GOLM2: variants seen among roughly 807,000 people sequenced by gnomAD.
GOLM2 encodes the protein golgi membrane protein 2.
A neutral mutation model predicts 55.9 loss-of-function variants in GOLM2; 26 were observed. The ratio of observed to expected loss-of-function variants is 0.47; its 90% confidence interval spans 0.34 to 0.65. The LOEUF is 0.65. Ranked by LOEUF, GOLM2 falls within the 30% of genes least tolerant of loss-of-function variation. The probability of loss-of-function intolerance (pLI) is 0.01; values close to 1 mark genes in which losing one functional copy is unlikely to be tolerated. For missense variants in GOLM2, 486 were observed against 531.8 expected (o/e 0.91, Z 0.85); for synonymous variants, 165 against 194.6 (o/e 0.85, Z 1.27).
intron 8 of GOLM2, among the ~76,000 whole-genome samples, chr15:44,381,351 G>A (rs1316405289): frequency 1.3e-5 from 2 of 152,104 alleles, no homozygotes; most frequent in Non-Finnish European, 2.9e-5. Flanking sequence ...TTGAAAAATG[G>A]AACATTCTGG....
chr15:44,377,432 G>A (rs566386697), intron 6 of GOLM2, among the ~76,000 whole-genome samples: 39 of 152,180 alleles, frequency 2.6e-4, no homozygotes, highest in Middle Eastern at 3.4e-3. Context: ...GTGCAGTGCC[G>A]CGGCCTTGGC....
intron 1 of GOLM2, among the ~76,000 whole-genome samples, chr15:44,297,601 G>A (rs575190742): frequency 1.8e-4 from 27 of 147,990 alleles, no homozygotes; most frequent in African/African-American, 5.2e-4. Context: ...TTGCTCTGTC[G>A]CCCAGGCTGG....
chr15:44,306,681 T>C (rs1174561989), intron 1 of GOLM2, among the ~76,000 whole-genome samples: 1 of 152,212 alleles, frequency 6.6e-6, no homozygotes, highest in Non-Finnish European at 1.5e-5. Context: ...TGATTTAAAG[T>C]GAGAGACATA....
At chr15:44,303,985 C>T (rs984530808) in intron 1 of GOLM2, among the ~76,000 whole-genome samples, 1 of 151,758 alleles carries the variant, frequency 6.6e-6, no homozygotes, top group Non-Finnish European at 1.5e-5. Flanking sequence ...CTGACTCGGC[C>T]TTCCAAAGTG....
intron 1 of GOLM2, among the ~76,000 whole-genome samples, chr15:44,303,409 C>T (rs776077365): frequency 3.3e-5 from 5 of 151,934 alleles, no homozygotes; most frequent in African/African-American, 9.7e-5. Flanking sequence ...TTATTTGAAA[C>T]GTGTTATAGT....
chr15:44,376,240 A>C (rs891709947), intron 6 of GOLM2, among the ~76,000 whole-genome samples: 1 of 152,092 alleles, frequency 6.6e-6, no homozygotes, highest in Non-Finnish European at 1.5e-5. Flanking sequence ...GTCTCAAAAA[A>C]CAAAACAAAA....
intron 1 of GOLM2, among the ~76,000 whole-genome samples, chr15:44,311,176 A>ACCCAT (rs1157382137): frequency 1.3e-5 from 2 of 152,174 alleles, no homozygotes; most frequent in Non-Finnish European, 2.9e-5. Flanking sequence ...CTTATAAATG[A>ACCCAT]CCCATTCTTA....
chr15:44,390,901 G>T (rs1426816009), intron 8 of GOLM2, among the ~76,000 whole-genome samples: 5 of 152,008 alleles, frequency 3.3e-5, no homozygotes. Context: ...CCATTTATAA[G>T]AGTGGAGCCC....
chr15:44,303,932 G>C (rs192925572), intron 1 of GOLM2, among the ~76,000 whole-genome samples: 85 of 151,410 alleles, frequency 5.6e-4, no homozygotes, highest in Non-Finnish European at 7.2e-4. Flanking sequence ...ACAGGGTTTT[G>C]TTGGCCAAGT....
intron 1 of GOLM2, among the ~76,000 whole-genome samples, chr15:44,304,559 A>G (rs2078823098): frequency 6.6e-6 from 1 of 150,730 alleles, no homozygotes; most frequent in African/African-American, 2.4e-5. Context: ...CTCTACTTCT[A>G]TTTCTAGTTC....
chr15:44,403,226 G>A (rs761713575), intron 9 of GOLM2, 172 bp downstream of exon 9: 24 of 663,730 alleles, frequency 3.6e-5, no homozygotes, highest in Middle Eastern at 3.1e-4. Flanking sequence ...CCAATGGTGC[G>A]ATCTTGGCTC....
In GOLM2 at chr15:44,343,204, G is replaced by C. The variant is rs528903506; in HGVS notation, c.802+4887G>C. Among the ~76,000 whole-genome samples, 143 of 151,594 alleles carry C rather than the reference G, an allele frequency of 9.4e-4. 1 individual carries two copies. Among genetic ancestry groups the C allele is most frequent in the Middle Eastern group, 3.4e-3 (1 of 294 alleles). On this transcript the variant is annotated intron_variant, in intron 6 of 9. Transcript: ENST00000299957. The stretch of plus-strand genomic sequence containing the variant: ...AAAAATTAGCTGGGTGTGGTGGTGG[G>C]CACCTGTAATCCCAGCTACTCGGGA...
chr15:44,411,410 A>G (rs1241233293), intron 9 of GOLM2, among the ~76,000 whole-genome samples: 1 of 152,190 alleles, frequency 6.6e-6, no homozygotes, highest in Non-Finnish European at 1.5e-5. Flanking sequence ...TAGTATACAT[A>G]TGAATTTAGA....
intron 1 of GOLM2, among the ~76,000 whole-genome samples, chr15:44,310,681 G>T (rs1327568253): frequency 6.6e-6 from 1 of 151,548 alleles, no homozygotes; most frequent in Non-Finnish European, 1.5e-5. Flanking sequence ...CTCCAGCCTG[G>T]ATGACAGTAC....
chr15:44,371,716 T>C (rs1032593480), intron 6 of GOLM2, among the ~76,000 whole-genome samples: 8 of 152,192 alleles, frequency 5.3e-5, no homozygotes, highest in African/African-American at 1.9e-4. Flanking sequence ...TTACTATAAG[T>C]AAATATTCAT....
Position 44,414,493 on chromosome 15 carries a change from C to T in GOLM2, c.*1087C>T, listed in dbSNP as rs1384937181. ...ACTGTTTAACTATAGCCAGAACTGG[C>T]TAAAATTTTTATATTTTCAGAGTTG... On this transcript the variant is annotated 3_prime_UTR_variant, in exon 10 of 10. Transcript: ENST00000299957. 6.6e-6 allele frequency: 1 copy of T among 152,134 alleles called. No individual in the cohort carries two copies. Among genetic ancestry groups the T allele is most frequent in the Non-Finnish European group, 1.5e-5 (1 of 68,016 alleles). 9.4% of individuals were successfully genotyped at this position (152,134 alleles called of 1,614,324 possible). A position where few individuals can be genotyped will look rare whatever the true frequency, so the allele number is the denominator to read the frequency against.
intron 4 of GOLM2, among the ~76,000 whole-genome samples, chr15:44,333,643 G>A (rs374292304): frequency 2.0e-5 from 3 of 152,134 alleles, no homozygotes; most frequent in African/African-American, 7.2e-5. Context: ...AAAGGAAGGG[G>A]AAGAGAGGTT....
At chr15:44,400,489 G>A (rs1255074516) in intron 8 of GOLM2, among the ~76,000 whole-genome samples, 2 of 140,788 alleles carry the variant, frequency 1.4e-5, no homozygotes, top group African/African-American at 5.3e-5. Flanking sequence ...GCCTAATTTT[G>A]TATTTTTAGT....
chr15:44,351,163 A>G (rs920791267), intron 6 of GOLM2, among the ~76,000 whole-genome samples: 1 of 152,122 alleles, frequency 6.6e-6, no homozygotes, highest in African/African-American at 2.4e-5. Context: ...TAGCTAGAGC[A>G]ATAAGAAAAG....
Sources: allele counts gnomAD v4.1 joint callset (sites outside exome capture counted in the v4.1 genomes callset), GRCh38; gene constraint gnomAD v4.1.1; transcripts MANE v1.5; gene names NCBI Gene and HGNC (gene_info 2026-07-23, HGNC 2026-07-21).